Variants in CYP2C8 observed in about 807,000 individuals in gnomAD.
The protein encoded by CYP2C8 is cytochrome P450 2C8.
A neutral mutation model predicts 41.3 loss-of-function variants in CYP2C8; 51 were observed. The observed-to-expected ratio is 1.24, with a 90% confidence interval of 0.99 to 1.56. The LOEUF is 1.56. CYP2C8 is among the 40% of genes most tolerant of loss of function. The pLI, the probability that CYP2C8 is intolerant of heterozygous loss-of-function variation, is 0.00. For synonymous variants in CYP2C8, 218 were observed against 205.8 expected, an observed-to-expected ratio of 1.06 and a Z score of -0.51; for missense variants, 651 against 579.9, an observed-to-expected ratio of 1.12 and a Z score of -1.26.
chr10:95,058,239 C>T lies in CYP2C8; in HGVS notation c.819+96G>A, dbSNP rs543240885. The T allele has an allele frequency of 2.6e-6, 4 of 1,550,868 alleles. No individual in the cohort carries two copies. The African/African-American group carries it at 5.4e-5, about 21-fold the overall frequency. ...AAGATGCTTGTCAAGCATTACTGGCCTGATCATTTAAACATCCTTAGTAAA... is the reference window on the plus strand; with the variant it reads ...AAGATGCTTGTCAAGCATTACTGGCTTGATCATTTAAACATCCTTAGTAAA... On this transcript the variant is annotated intron_variant, in intron 5 of 8. Coordinates refer to ENST00000371270, the MANE Select transcript of CYP2C8 (RefSeq NM_000770.3).
chr10:95,059,918 T>A (rs1369969863), intron 4 of CYP2C8, among the ~76,000 whole-genome samples: 1 of 152,232 alleles, frequency 6.6e-6, no homozygotes, highest in Non-Finnish European at 1.5e-5. Flanking sequence ...CCCCATTTCT[T>A]GTTTTTGTCA....
chr10:95,066,153 A>AGAGAGAGGGTGTGT (rs1342809282), intron 3 of CYP2C8, among the ~76,000 whole-genome samples: 1 of 88,286 alleles, frequency 1.1e-5, no homozygotes, highest in Non-Finnish European at 2.3e-5. Flanking sequence ...AGAGAGAGAG[A>AGAGAGAGGGTGTGT]GTGTGTGTGT....
intron 4 of CYP2C8, among the ~76,000 whole-genome samples, chr10:95,060,299 T>C (rs2033400243): frequency 6.6e-6 from 1 of 152,186 alleles, no homozygotes; most frequent in African/African-American, 2.4e-5. Context: ...TCCATTTGTT[T>C]GTAGCCTCTT....
chr10:95,067,309 G>A lies in CYP2C8; in HGVS notation c.380C>T (p.Ser127Phe). The change falls in exon 3 of 9, where the codon TCC (serine) becomes TTC (phenylalanine). Residue 127 changes from serine to phenylalanine, a missense_variant. Transcript: ENST00000371270. ...CCCAAAATTCCGCAAGGTTGTGAGG[G>A]AGAAACGCCGGATCTCCTTCCATCT... is the stretch of plus-strand genomic sequence containing the variant. ...GKRWKEIRRFSLTTLRNFGMG... is the reference protein window; with the variant it reads ...GKRWKEIRRFFLTTLRNFGMG... 1 of 1,614,168 alleles carries A rather than the reference G, an allele frequency of 6.2e-7. No homozygotes were observed. Among genetic ancestry groups the A allele is most frequent in the Non-Finnish European group, 8.5e-7 (1 of 1,180,038 alleles).
At chr10:95,050,655 C>G (rs758191647) in intron 5 of CYP2C8, among the ~76,000 whole-genome samples, 6 of 152,118 alleles carry the variant, frequency 3.9e-5, no homozygotes, top group Non-Finnish European at 8.8e-5. Context: ...TGGATCTTGT[C>G]CAAGACCATC....
chr10:95,065,288 C>A (rs2134439142), intron 3 of CYP2C8, among the ~76,000 whole-genome samples: 1 of 152,188 alleles, frequency 6.6e-6, no homozygotes, highest in African/African-American at 2.4e-5. Flanking sequence ...GTTTTTAGAG[C>A]AGAATCATGT....
At chr10:95,043,252 C>T (rs1393213716) in intron 6 of CYP2C8, among the ~76,000 whole-genome samples, 175 bp from the exon 7 acceptor site, 1 of 152,222 alleles carries the variant, frequency 6.6e-6, no homozygotes, top group South Asian at 2.1e-4. Flanking sequence ...AGATACATAC[C>T]ACTCTCCTAC....
At chr10:95,066,163 T>G (rs1196880436) in intron 3 of CYP2C8, among the ~76,000 whole-genome samples, 1 of 131,638 alleles carries the variant, frequency 7.6e-6, no homozygotes, top group South Asian at 2.4e-4. Context: ...AGTGTGTGTG[T>G]GTGTGTGTGT....
In CYP2C8 at chr10:95,067,302, T is replaced by A; in HGVS notation, c.387A>T (p.Thr129=). ...TCCCCATCCCAAAATTCCGCAAGGT[T>A]GTGAGGGAGAAACGCCGGATCTCCT... ...RWKEIRRFSL[T]TLRNFGMGKR... is the part of the protein sequence containing the mutation. Residue 129 remains threonine (T), a synonymous_variant, in exon 3 of 9, where the codon ACA becomes ACT. Transcript: ENST00000371270. The A allele has an allele frequency of 6.2e-7, 1 of 1,614,160 alleles. No individual in the cohort carries two copies. The highest frequency in any genetic ancestry group is 8.5e-7 in the Non-Finnish European group (1 of 1,180,028).
chr10:95,068,497 A>C, intron 1 of CYP2C8: 1 of 811,998 alleles, frequency 1.2e-6, no homozygotes, highest in Non-Finnish European at 1.8e-6. Flanking sequence ...CATCAAATGA[A>C]TCTTCAGAGA....
Position 95,038,977 on chromosome 10 carries a change from G to A in CYP2C8, c.1211C>T (p.Pro404Leu). Residue 404 changes from proline (P) to leucine (L), a missense_variant, in exon 8 of 9, where the codon CCA (proline) becomes CTA (leucine). By Grantham distance (98) the Pro-to-Leu change is moderately conservative. Coordinates refer to ENST00000371270, the MANE Select transcript of CYP2C8 (RefSeq NM_000770.3). ...AAAGTGGCCAGGGTCAAAGATATTT[G>A]GATTAGGAAATTCTTTGTCATCATG... ...VLHDDKEFPN[P>L]NIFDPGHFLD... 1 of 1,613,260 alleles carries A rather than the reference G, an allele frequency of 6.2e-7. No individual in the cohort carries two copies. Among genetic ancestry groups the A allele is most frequent in the Non-Finnish European group, 8.5e-7 (1 of 1,179,216 alleles).
chr10:95,067,464 A>T (rs778907051), intron 2 of CYP2C8, 65 bp downstream of exon 2: 3 of 1,613,328 alleles, frequency 1.9e-6, no homozygotes, highest in Non-Finnish European at 2.5e-6. Flanking sequence ...GAAGCTTTTT[A>T]GGGCTCTGTT....
chr10:95,059,903 C>T (rs1441197189), intron 4 of CYP2C8, among the ~76,000 whole-genome samples: 5 of 152,168 alleles, frequency 3.3e-5, no homozygotes, highest in African/African-American at 9.7e-5. Context: ...AATAGGGAAT[C>T]CTTTCCCCAT....
At position 95,067,357 on chromosome 10, in the gene CYP2C8, C is replaced by G; in HGVS notation, c.332G>C (p.Gly111Ala). The G allele has an allele frequency of 1.3e-6, 2 of 1,598,378 alleles. No individual in the cohort carries two copies. Among genetic ancestry groups the G allele is most frequent in the South Asian group, 2.2e-5 (2 of 90,308 alleles). Reference protein sequence around the residue: ...PISQRITKGLGIISSNGKRWK... With the variant: ...PISQRITKGLAIISSNGKRWK... ...TCTCTTTCCATTGCTGGAAATGATT[C>G]CTAATAAAAAAAGGGGCAGAAACTG... The change falls in exon 3 of 9, where the codon GGA (glycine) becomes GCA (alanine). Residue 111 changes from glycine to alanine, a missense_variant and splice_region_variant. Coordinates refer to ENST00000371270, the MANE Select transcript of CYP2C8 (RefSeq NM_000770.3).
intron 5 of CYP2C8, among the ~76,000 whole-genome samples, chr10:95,046,349 C>A (rs893080822): frequency 6.6e-6 from 1 of 152,208 alleles, no homozygotes; most frequent in African/African-American, 2.4e-5. Context: ...GAGCATGGCA[C>A]TGGCTTCTGG....
chr10:95,046,771 AG>A (rs2033117589), intron 5 of CYP2C8, among the ~76,000 whole-genome samples: 1 of 149,846 alleles, frequency 6.7e-6, no homozygotes, highest in Non-Finnish European at 1.5e-5. Flanking sequence ...AAAAAAAAGA[AG>A]GCACTTGACT....
intron 4 of CYP2C8, among the ~76,000 whole-genome samples, chr10:95,062,544 G>A (rs1296197930): frequency 2.6e-5 from 4 of 152,128 alleles, no homozygotes; most frequent in Non-Finnish European, 4.4e-5. Context: ...CTCTGCACAT[G>A]AGATGGGTTT....
intron 3 of CYP2C8, among the ~76,000 whole-genome samples, chr10:95,066,486 G>A (rs2033569977): frequency 1.3e-5 from 2 of 152,088 alleles, no homozygotes; most frequent in Non-Finnish European, 2.9e-5. Context: ...TTACAAATTA[G>A]TGTTTGTGTA....
intron 1 of CYP2C8, 95 bp from the exon 2 acceptor site, chr10:95,067,786 T>C (rs1190454497): frequency 2.3e-5 from 29 of 1,276,560 alleles, no homozygotes; most frequent in Non-Finnish European, 3.1e-5. Flanking sequence ...TATTTTTTAA[T>C]GTTCATATTT....
Sources: allele counts gnomAD v4.1 joint callset (sites outside exome capture counted in the v4.1 genomes callset), GRCh38; gene constraint gnomAD v4.1.1; transcripts MANE v1.5; gene names NCBI Gene and HGNC (gene_info 2026-07-23, HGNC 2026-07-21).